Variants in ROBO2 observed in about 807,000 individuals in gnomAD.
ROBO2 encodes the protein roundabout homolog 2.
Under a neutral mutation model 160.8 loss-of-function variants are expected in ROBO2, and 53 were observed. The ratio of observed to expected loss-of-function variants is 0.33; its 90% CI spans 0.26 to 0.41. The LOEUF (loss-of-function observed/expected upper bound fraction) is 0.41. Ranked by LOEUF, ROBO2 falls within the 10% of genes least tolerant of loss-of-function variation. The pLI, the probability that ROBO2 is intolerant of heterozygous loss-of-function variation, is 1.00. For missense variants in ROBO2, 1,577 were observed against 1,722.4 expected, an observed-to-expected ratio of 0.92 and a Z score of 1.49; for synonymous variants, 664 against 611.7, an observed-to-expected ratio of 1.09 and a Z score of -1.26.
chr3:76,409,731 A>G (rs1207867767), intron 2 of ROBO2, among the ~76,000 whole-genome samples: 1 of 152,106 alleles, frequency 6.6e-6, no homozygotes, highest in African/African-American at 2.4e-5. Flanking sequence ...CAGCCTTCAC[A>G]TTGTAAAAGG....
intron 2 of ROBO2, among the ~76,000 whole-genome samples, chr3:77,252,475 CTT>C (rs2090448203): frequency 2.6e-5 from 4 of 152,122 alleles, no homozygotes; most frequent in South Asian, 4.2e-4. Context: ...TTAAATGACA[CTT>C]GATGCATTTG....
At chr3:76,819,091 G>C (rs1048889231) in intron 2 of ROBO2, among the ~76,000 whole-genome samples, 3 of 151,962 alleles carry the variant, frequency 2.0e-5, no homozygotes, top group African/African-American at 7.2e-5. Flanking sequence ...TGCCTGTTAC[G>C]GGAAGGGCAA....
At chr3:77,589,527 G>T (rs2094132399) in intron 17 of ROBO2, among the ~76,000 whole-genome samples, 1 of 151,944 alleles carries the variant, frequency 6.6e-6, no homozygotes. Flanking sequence ...AAAGGAAAAC[G>T]AAGAAAAAGA....
intron 2 of ROBO2, among the ~76,000 whole-genome samples, chr3:77,306,201 A>C (rs1009737747): frequency 1.3e-5 from 2 of 152,094 alleles, no homozygotes; most frequent in Non-Finnish European, 2.9e-5. Flanking sequence ...TATTTATGTA[A>C]GTCTTGAATG....
chr3:77,347,759 G>A (rs185923285), intron 2 of ROBO2, among the ~76,000 whole-genome samples: 1 of 152,184 alleles, frequency 6.6e-6, no homozygotes, highest in Non-Finnish European at 1.5e-5. Flanking sequence ...TAGGCTTCCA[G>A]AACAATCAGC....
In ROBO2 at chr3:77,295,399, C is replaced by T. The variant is rs1408147316; in HGVS notation, c.389-182015C>T. ...TAAGCTGAGGCTAGAGCACTAAAGA[C>T]ATAAAGTAAAATTGATGGTTAAATG... On this transcript the variant is annotated intron_variant, in intron 2 of 25. Transcript: ENST00000461745. Among the ~76,000 whole-genome samples the T allele has an allele frequency of 2.6e-4, 39 of 147,994 alleles. 1 individual carries two copies. Among genetic ancestry groups the T allele is most frequent in the Admixed American group, 6.7e-4 (10 of 14,910 alleles).
chr3:77,465,078 G>A (rs892915895), intron 2 of ROBO2, among the ~76,000 whole-genome samples: 2 of 152,000 alleles, frequency 1.3e-5, no homozygotes, highest in African/African-American at 4.8e-5. Context: ...CACAACAGCC[G>A]TAATTTGTTC....
intron 2 of ROBO2, among the ~76,000 whole-genome samples, chr3:76,050,948 C>G (rs546806753): frequency 1.3e-5 from 2 of 152,222 alleles, no homozygotes; most frequent in East Asian, 3.9e-4. Flanking sequence ...TGTTGCCTGC[C>G]CATATTTTAA....
At chr3:76,495,475 TAGTC>T (rs2080096861) in intron 2 of ROBO2, among the ~76,000 whole-genome samples, 1 of 152,084 alleles carries the variant, frequency 6.6e-6, no homozygotes. Context: ...CTTACTAACT[TAGTC>T]AGATGAGATT....
At chr3:76,800,687 A>G (rs2064130252) in intron 2 of ROBO2, among the ~76,000 whole-genome samples, 1 of 152,234 alleles carries the variant, frequency 6.6e-6, no homozygotes, top group African/African-American at 2.4e-5. Flanking sequence ...ATCTCACCCC[A>G]GCTAAAAAGG....
chr3:77,561,640 A>G (rs890372074), intron 9 of ROBO2, among the ~76,000 whole-genome samples: 1 of 152,162 alleles, frequency 6.6e-6, no homozygotes, highest in East Asian at 1.9e-4. Context: ...ATTGTGATCA[A>G]AAAAGAGTTA....
chr3:76,603,965 A>G (rs2108992587), intron 2 of ROBO2, among the ~76,000 whole-genome samples: 1 of 152,358 alleles, frequency 6.6e-6, no homozygotes, highest in East Asian at 1.9e-4. Flanking sequence ...TTGTTTACAG[A>G]AAGAAAAGAG....
chr3:75,923,522 A>G (rs906588516), intron 1 of ROBO2, among the ~76,000 whole-genome samples: 2 of 152,210 alleles, frequency 1.3e-5, no homozygotes, highest in Non-Finnish European at 2.9e-5. Flanking sequence ...ACCACTGCAT[A>G]CTAAGGTGGC....
intron 2 of ROBO2, among the ~76,000 whole-genome samples, chr3:77,248,410 G>C (rs1204409881): frequency 2.0e-5 from 3 of 152,086 alleles, no homozygotes; most frequent in Non-Finnish European, 4.4e-5. Flanking sequence ...CCACTGAGCT[G>C]TTAACACTGA....
At chr3:77,407,184 T>A (rs1324458467) in intron 2 of ROBO2, among the ~76,000 whole-genome samples, 1 of 152,102 alleles carries the variant, frequency 6.6e-6, no homozygotes, top group Non-Finnish European at 1.5e-5. Flanking sequence ...TGGACAGTAT[T>A]CACATTGCCT....
At chr3:76,817,906 T>C (rs2065823181) in intron 2 of ROBO2, among the ~76,000 whole-genome samples, 1 of 151,494 alleles carries the variant, frequency 6.6e-6, no homozygotes, top group African/African-American at 2.4e-5. Context: ...TGTTAATTAA[T>C]GGACATTTCA....
intron 2 of ROBO2, among the ~76,000 whole-genome samples, chr3:76,275,927 G>T (rs1214770739): frequency 6.6e-6 from 1 of 151,818 alleles, no homozygotes; most frequent in Non-Finnish European, 1.5e-5. Flanking sequence ...CTCGGAGGGG[G>T]GGAGCACTTT....
chr3:76,338,550 G>A (rs1211516907), intron 2 of ROBO2, among the ~76,000 whole-genome samples: 1 of 151,884 alleles, frequency 6.6e-6, no homozygotes, highest in East Asian at 1.9e-4. Context: ...GTGCATGCCT[G>A]TAGTACTATC....
intron 2 of ROBO2, among the ~76,000 whole-genome samples, chr3:76,217,474 A>G (rs1462080265): frequency 2.6e-5 from 4 of 152,164 alleles, no homozygotes; most frequent in Non-Finnish European, 5.9e-5. Context: ...AAAATGACAA[A>G]GGTGATATCA....
Sources: gnomAD v4.1 joint callset for allele counts (sites outside exome capture counted in the v4.1 genomes callset) on GRCh38, gnomAD v4.1.1 for gene constraint, MANE v1.5 for transcripts, NCBI Gene and HGNC (gene_info 2026-07-23, HGNC 2026-07-21) for gene names.